LRRC4C: variants seen among roughly 807,000 people sequenced by gnomAD.
The protein encoded by LRRC4C is leucine-rich repeat-containing protein 4C.
In LRRC4C, 5 loss-of-function variants were observed where a neutral mutation model predicts 33.6. The observed-to-expected ratio is 0.15, with a 90% CI of 0.08 to 0.31. The LOEUF (loss-of-function observed/expected upper bound fraction) is 0.31. Among genes scored for constraint, LRRC4C ranks in the 10% least tolerant of loss-of-function variants. The pLI is 1.00. For synonymous variants in LRRC4C, 329 were observed against 302.0 expected (o/e 1.09, Z -0.93); for missense variants, 560 against 796.7 (o/e 0.70, Z 3.58).
At chr11:41,066,043 C>T (rs1239112218) in intron 1 of LRRC4C, among the ~76,000 whole-genome samples, 1 of 152,160 alleles carries the variant, frequency 6.6e-6, no homozygotes, top group East Asian at 1.9e-4. Context: ...CCAGCAAGAG[C>T]ACAGAACTGG....
At chr11:40,704,294 T>C (rs1946030874) in intron 2 of LRRC4C, among the ~76,000 whole-genome samples, 1 of 152,130 alleles carries the variant, frequency 6.6e-6, no homozygotes, top group Non-Finnish European at 1.5e-5. Context: ...CAATCACCTG[T>C]GGATTCTGAG....
At chr11:41,152,683 T>A (rs1040622626) in intron 1 of LRRC4C, among the ~76,000 whole-genome samples, 1 of 152,192 alleles carries the variant, frequency 6.6e-6, no homozygotes, top group Non-Finnish European at 1.5e-5. Context: ...GAAAGTTCCA[T>A]AATTTAACCT....
chr11:41,241,983 CATT>C (rs1472097287), intron 1 of LRRC4C, among the ~76,000 whole-genome samples: 2 of 152,142 alleles, frequency 1.3e-5, no homozygotes, highest in African/African-American at 4.8e-5. Context: ...TCAACATCAT[CATT>C]TTCTTTGCTT....
intron 1 of LRRC4C, among the ~76,000 whole-genome samples, chr11:40,947,096 A>C (rs1297200700): frequency 5.3e-5 from 8 of 152,126 alleles, no homozygotes; most frequent in Non-Finnish European, 8.8e-5. Flanking sequence ...AATTAATTTC[A>C]TTGAATAACC....
At chr11:41,288,442 A>G (rs1231848038) in intron 1 of LRRC4C, among the ~76,000 whole-genome samples, 1 of 152,156 alleles carries the variant, frequency 6.6e-6, no homozygotes, top group African/African-American at 2.4e-5. Flanking sequence ...CTCTCAAGGT[A>G]GAGAATTGGA....
At chr11:40,346,092 C>T (rs1316766979) in intron 3 of LRRC4C, among the ~76,000 whole-genome samples, 1 of 152,158 alleles carries the variant, frequency 6.6e-6, no homozygotes, top group Non-Finnish European at 1.5e-5. Flanking sequence ...TGCTTATACA[C>T]TGTTGGTGGG....
intron 5 of LRRC4C, among the ~76,000 whole-genome samples, chr11:40,205,833 C>T (rs1400874391): frequency 2.6e-5 from 4 of 152,096 alleles, no homozygotes; most frequent in African/African-American, 9.7e-5. Flanking sequence ...CTGAGAGGCC[C>T]GCTTGGTTCT....
chr11:41,032,757 T>C (rs1042695415), intron 1 of LRRC4C, among the ~76,000 whole-genome samples: 17 of 152,050 alleles, frequency 1.1e-4, no homozygotes, highest in African/African-American at 3.9e-4. Context: ...TACATTGCAA[T>C]AAATTTTCAC....
At chr11:40,635,798 G>T (rs1963906503) in intron 3 of LRRC4C, among the ~76,000 whole-genome samples, 1 of 151,362 alleles carries the variant, frequency 6.6e-6, no homozygotes, top group South Asian at 2.1e-4. Flanking sequence ...CACCATGCCC[G>T]GCTAATTTTT....
At chr11:41,110,115 C>T (rs1941743886) in intron 1 of LRRC4C, among the ~76,000 whole-genome samples, 1 of 152,006 alleles carries the variant, frequency 6.6e-6, no homozygotes, top group Non-Finnish European at 1.5e-5. Context: ...CTCTGCTTAT[C>T]TATATTTAAG....
intron 5 of LRRC4C, among the ~76,000 whole-genome samples, chr11:40,211,308 T>C (rs964845604): frequency 6.6e-6 from 1 of 152,168 alleles, no homozygotes; most frequent in Non-Finnish European, 1.5e-5. Flanking sequence ...TTTTATTAAA[T>C]AGATAACGAG....
chr11:40,444,560 T>C (rs1242397721), intron 3 of LRRC4C, among the ~76,000 whole-genome samples: 1 of 152,046 alleles, frequency 6.6e-6, no homozygotes, highest in Admixed American at 6.6e-5. Context: ...AAATCATATT[T>C]AAAAAGAATG....
intron 1 of LRRC4C, among the ~76,000 whole-genome samples, chr11:41,366,233 GATAGATAGAT>G (rs1952538036): frequency 6.9e-6 from 1 of 144,944 alleles, no homozygotes; most frequent in Non-Finnish European, 1.5e-5. Context: ...TAGATAGATA[GATAGATAGAT>G]AGGTAGATAT....
chr11:41,253,017 G>A (rs1948691262), intron 1 of LRRC4C, among the ~76,000 whole-genome samples: 1 of 152,090 alleles, frequency 6.6e-6, no homozygotes, highest in Admixed American at 6.6e-5. Context: ...CATATCATTA[G>A]GTTTTTAACT....
At chr11:40,705,188 T>A (rs1946088920) in intron 2 of LRRC4C, among the ~76,000 whole-genome samples, 2 of 152,096 alleles carry the variant, frequency 1.3e-5, no homozygotes, top group Non-Finnish European at 2.9e-5. Flanking sequence ...AGTTTCAAAC[T>A]CAGATTTTGT....
intron 3 of LRRC4C, among the ~76,000 whole-genome samples, chr11:40,465,650 C>T (rs1952615173): frequency 6.6e-6 from 1 of 151,848 alleles, no homozygotes; most frequent in Non-Finnish European, 1.5e-5. Context: ...CTGGAGCAGA[C>T]ATTTTTAAAG....
At chr11:40,218,388 T>C (rs1864126464) in intron 5 of LRRC4C, among the ~76,000 whole-genome samples, 2 of 152,144 alleles carry the variant, frequency 1.3e-5, no homozygotes, top group Admixed American at 6.6e-5. Context: ...TGTTGCTCAA[T>C]GTGATGGGGG....
chr11:41,255,206 G>A (rs1948761393), intron 1 of LRRC4C, among the ~76,000 whole-genome samples: 1 of 151,928 alleles, frequency 6.6e-6, no homozygotes, highest in Non-Finnish European at 1.5e-5. Flanking sequence ...AATACAGATG[G>A]ATCTTCTTCT....
chr11:41,192,339 T>G (rs1321652797), intron 1 of LRRC4C, among the ~76,000 whole-genome samples: 1 of 151,768 alleles, frequency 6.6e-6, no homozygotes, highest in African/African-American at 2.4e-5. Context: ...TGTGTGTGTG[T>G]GTGTGTGTGT....
Sources: allele counts gnomAD v4.1 joint callset (sites outside exome capture counted in the v4.1 genomes callset), GRCh38; gene constraint gnomAD v4.1.1; transcripts MANE v1.5; gene names NCBI Gene and HGNC (gene_info 2026-07-23, HGNC 2026-07-21).